The following ASXL2 variants were observed in gnomAD, a reference collection of about 807,000 sequenced individuals.
ASXL2 encodes the protein putative Polycomb group protein ASXL2.
In ASXL2, 23 loss-of-function variants were observed where a neutral mutation model predicts 122.0. The ratio of observed to expected loss-of-function variants is 0.19; its 90% CI spans 0.14 to 0.27. ASXL2 has a LOEUF of 0.27. Among genes scored for constraint, ASXL2 ranks in the 10% least tolerant of loss-of-function variants. The probability of loss-of-function intolerance (pLI) is 1.00; values close to 1 mark genes in which losing one functional copy is unlikely to be tolerated. For synonymous variants in ASXL2, 650 were observed against 637.0 expected (o/e 1.02, Z -0.31); for missense variants, 1,518 against 1,713.8 (o/e 0.89, Z 2.02).
chr2:25,845,324 T>A (rs773369956), intron 2 of ASXL2, 157 bp downstream of exon 2: 1 of 1,242,618 alleles, frequency 8.0e-7, no homozygotes, highest in South Asian at 1.3e-5. Flanking sequence ...TTTAAAACTA[T>A]GTAATGACTT....
intron 3 of ASXL2, among the ~76,000 whole-genome samples, chr2:25,807,610 GA>G (rs903045279): frequency 6.6e-5 from 10 of 151,470 alleles, no homozygotes; most frequent in African/African-American, 2.2e-4. Flanking sequence ...GAAATTTCCA[GA>G]AAAAAAATGA....
intron 8 of ASXL2, among the ~76,000 whole-genome samples, chr2:25,767,223 G>C (rs1281461977): frequency 6.6e-6 from 1 of 152,068 alleles, no homozygotes; most frequent in Non-Finnish European, 1.5e-5. Flanking sequence ...AATAAAACAT[G>C]AATAATGCTG....
intron 3 of ASXL2, among the ~76,000 whole-genome samples, chr2:25,834,510 A>G (rs2089486877): frequency 6.6e-6 from 1 of 152,246 alleles, no homozygotes; most frequent in Non-Finnish European, 1.5e-5. Flanking sequence ...CTTACAATAA[A>G]CAGGTTCTTA....
intron 3 of ASXL2, among the ~76,000 whole-genome samples, chr2:25,815,626 C>T (rs2089223878): frequency 6.6e-6 from 1 of 152,098 alleles, no homozygotes; most frequent in African/African-American, 2.4e-5. Flanking sequence ...TACAATTCAA[C>T]CCAAAATATC....
rs1268645042 is a variant in ASXL2, at chr2:25,743,203, C to G, written c.3134G>C (p.Arg1045Thr). 6.2e-7 allele frequency: 1 copy of G among 1,613,928 alleles called. No homozygotes were observed. The highest frequency in any genetic ancestry group is 1.1e-5 in the South Asian group (1 of 91,072). ...PLQLFSAKEL[R>T]DSSIDTHQYH... ...TTGGTGTGTGTCAATGCTGGAGTCC[C>G]TCAGCTCCTTAGCTGAAAAGAGCTG... The change falls in exon 13 of 13, where the codon AGG becomes ACG. Residue 1045 changes from arginine to threonine, a missense_variant. This residue lies in a region of ASXL2 where 831 missense variants were observed against 833.1 expected (regional missense o/e 1.00). Coordinates refer to ENST00000435504, the MANE Select transcript of ASXL2 (RefSeq NM_018263.6).
chr2:25,824,161 A>C (rs1443115839), intron 3 of ASXL2, among the ~76,000 whole-genome samples: 1 of 152,184 alleles, frequency 6.6e-6, no homozygotes, highest in East Asian at 1.9e-4. Flanking sequence ...ATGTACTGAA[A>C]GGATACATTT....
chr2:25,865,484 T>C (rs944106499), intron 1 of ASXL2, among the ~76,000 whole-genome samples: 2 of 150,684 alleles, frequency 1.3e-5, no homozygotes, highest in African/African-American at 2.4e-5. Context: ...AATCCAAATA[T>C]AGGCTGGGCG....
At chr2:25,809,832 C>T (rs1176320927) in intron 3 of ASXL2, 2 of 447,838 alleles carry the variant, frequency 4.5e-6, no homozygotes, top group Non-Finnish European at 8.7e-6. Flanking sequence ...GAGAAAGCAG[C>T]CTTCCAGTTA....
chr2:25,745,375 G>A (rs575236743), intron 12 of ASXL2, among the ~76,000 whole-genome samples: 1 of 151,414 alleles, frequency 6.6e-6, no homozygotes, highest in East Asian at 1.9e-4. Flanking sequence ...ACCACGTCTG[G>A]CTAACTTTTG....
At chr2:25,830,398 G>A (rs1197981469) in intron 3 of ASXL2, among the ~76,000 whole-genome samples, 1 of 152,104 alleles carries the variant, frequency 6.6e-6, no homozygotes, top group Non-Finnish European at 1.5e-5. Flanking sequence ...TTGGGAGGCC[G>A]AGACAGGTAT....
intron 1 of ASXL2, among the ~76,000 whole-genome samples, chr2:25,846,442 G>A (rs1394546345): frequency 6.6e-6 from 1 of 152,152 alleles, no homozygotes; most frequent in Non-Finnish European, 1.5e-5. Context: ...GAGGTCAGGA[G>A]TTCAAGACCA....
intron 8 of ASXL2, among the ~76,000 whole-genome samples, chr2:25,760,751 A>G (rs529990527): frequency 7.2e-5 from 11 of 152,350 alleles, no homozygotes; most frequent in African/African-American, 2.6e-4. Context: ...AAGATTACCC[A>G]ACAAATGAGA....
At chr2:25,789,743 G>GT (rs1323491739) in intron 5 of ASXL2, among the ~76,000 whole-genome samples, 1 of 152,102 alleles carries the variant, frequency 6.6e-6, no homozygotes, top group Non-Finnish European at 1.5e-5. Context: ...TAATGCAAAT[G>GT]TTTCAAAATC....
chr2:25,826,615 T>C lies in ASXL2; in HGVS notation c.143+8923A>G, dbSNP rs530514507. On this transcript the variant is annotated intron_variant, in intron 3 of 12. Transcript: ENST00000435504. The stretch of plus-strand genomic sequence containing the variant: ...TGTCCATTTTTTCCGTACTCCTTCC[T>C]ATAAAATACAGTTGTCAAAACTTGG... Among the ~76,000 whole-genome samples, 156 of 152,288 alleles carry C rather than the reference T, an allele frequency of 1.0e-3. 1 individual carries two copies. The highest frequency in any genetic ancestry group is 1.7e-3 in the South Asian group (8 of 4,824).
intron 4 of ASXL2, among the ~76,000 whole-genome samples, chr2:25,801,910 T>A (rs1255136599): frequency 6.6e-6 from 1 of 152,244 alleles, no homozygotes; most frequent in African/African-American, 2.4e-5. Flanking sequence ...CTGAAAAACC[T>A]GTGACATCTA....
chr2:25,856,937 C>G, intron 1 of ASXL2: 1 of 575,402 alleles, frequency 1.7e-6, no homozygotes, highest in South Asian at 2.5e-5. Context: ...TCCTATACCT[C>G]ATTTTTAATA....
intron 5 of ASXL2, among the ~76,000 whole-genome samples, chr2:25,785,929 AG>A (rs2088736767): frequency 6.6e-6 from 1 of 152,224 alleles, no homozygotes; most frequent in South Asian, 2.1e-4. Context: ...AAATTTTAAC[AG>A]GGACATTATA....
At chr2:25,750,603 C>T (rs1006246259) in intron 11 of ASXL2, among the ~76,000 whole-genome samples, 190 bp from the exon 12 acceptor site, 3 of 152,160 alleles carry the variant, frequency 2.0e-5, no homozygotes, top group Admixed American at 6.5e-5. Context: ...AATTCTGGCT[C>T]TGATACCTAC....
rs2089773284 is a variant in ASXL2 at position 25,856,045 on chromosome 2, C to CG, written c.58-10483_58-10482insC. ...AGTAGCTGGGATTACAGGCATGCAC[C>CG]ACCATACCTAATTTTTGTTTTTTGT... On this transcript the variant is annotated intron_variant, in intron 1 of 12. Transcript: ENST00000435504. Among the ~76,000 whole-genome samples, 3 of 151,570 alleles carry CG rather than the reference C, an allele frequency of 2.0e-5. No homozygotes were observed. In the South Asian group the frequency reaches 6.3e-4, roughly 32 times the overall value.
Sources: gnomAD v4.1 joint callset for allele counts (sites outside exome capture counted in the v4.1 genomes callset) on GRCh38, gnomAD v4.1.1 for gene constraint, gnomAD v4.1.1 regional missense constraint, MANE v1.5 for transcripts, NCBI Gene and HGNC (gene_info 2026-07-23, HGNC 2026-07-21) for gene names.